SH3BGR: variants seen among roughly 807,000 people sequenced by gnomAD.
The protein encoded by SH3BGR is SH3 domain-binding glutamic acid-rich protein.
Under a neutral mutation model 24.5 loss-of-function variants are expected in SH3BGR, and 29 were observed. The observed-to-expected ratio is 1.18, with a 90% CI of 0.88 to 1.61. The LOEUF (loss-of-function observed/expected upper bound fraction) is 1.61. Among genes scored for constraint, SH3BGR ranks in the 40% most tolerant of loss-of-function variants. The pLI is 0.00. For missense variants in SH3BGR, 162 were observed against 205.8 expected (o/e 0.79, Z 1.30); for synonymous variants, 55 against 65.7 (o/e 0.84, Z 0.79).
chr21:39,471,661 T>C (rs897528049), intron 2 of SH3BGR, among the ~76,000 whole-genome samples: 1 of 152,134 alleles, frequency 6.6e-6, no homozygotes, highest in Non-Finnish European at 1.5e-5. Flanking sequence ...AGAGTCTTGC[T>C]ATGTTGCCCA....
intron 3 of SH3BGR, among the ~76,000 whole-genome samples, chr21:39,489,353 T>C (rs1326870627): frequency 6.6e-6 from 1 of 152,222 alleles, no homozygotes; most frequent in Non-Finnish European, 1.5e-5. Flanking sequence ...AACATTTGGT[T>C]TGAAGAAGGA....
chr21:39,510,371 C>CACACACACACACACACACACTGTAGCT (rs1569177973), intron 5 of SH3BGR, among the ~76,000 whole-genome samples: 2 of 147,022 alleles, frequency 1.4e-5, no homozygotes, highest in African/African-American at 5.1e-5. Context: ...TACATACACA[C>CACACACACACACACACACACTGTAGCT]ACACACACAC....
intron 1 of SH3BGR, among the ~76,000 whole-genome samples, chr21:39,453,552 T>TAATG (rs755797703): frequency 6.6e-6 from 1 of 152,182 alleles, no homozygotes; most frequent in African/African-American, 2.4e-5. Context: ...ATCAATAAGT[T>TAATG]AATGGATTTT....
intron 3 of SH3BGR, among the ~76,000 whole-genome samples, chr21:39,477,088 T>G (rs1280114052): frequency 1.3e-5 from 2 of 152,228 alleles, no homozygotes; most frequent in Non-Finnish European, 2.9e-5. Flanking sequence ...TTTTTTCATG[T>G]GGCTATAGCC....
At chr21:39,473,516 A>G (rs2077975583) in intron 2 of SH3BGR, among the ~76,000 whole-genome samples, 1 of 152,184 alleles carries the variant, frequency 6.6e-6, no homozygotes, top group Admixed American at 6.5e-5. Context: ...CCATGTATTC[A>G]GTATAAAAGA....
At chr21:39,453,679 T>A (rs2077610568) in intron 1 of SH3BGR, among the ~76,000 whole-genome samples, 1 of 152,206 alleles carries the variant, frequency 6.6e-6, no homozygotes, top group South Asian at 2.1e-4. Flanking sequence ...TAGTTTTGGT[T>A]CCCTAAGCAA....
intron 1 of SH3BGR, among the ~76,000 whole-genome samples, chr21:39,461,324 A>G (rs1032213091): frequency 1.3e-5 from 2 of 151,950 alleles, no homozygotes; most frequent in African/African-American, 2.4e-5. Context: ...TTTAGTAGAG[A>G]TGGGGTTTCT....
At chr21:39,502,197 C>T (rs1393418380) in intron 4 of SH3BGR, among the ~76,000 whole-genome samples, 1 of 152,100 alleles carries the variant, frequency 6.6e-6, no homozygotes, top group Non-Finnish European at 1.5e-5. Context: ...AATGGGAGGA[C>T]ATTGTGGGCT....
At chr21:39,450,967 C>CA (rs2077566930), upstream of SH3BGR, among the ~76,000 whole-genome samples, 1 of 151,984 alleles carries the variant, frequency 6.6e-6, no homozygotes, top group Non-Finnish European at 1.5e-5. Flanking sequence ...CGCCTGCCAA[C>CA]ATGCCTGGCT....
At chr21:39,479,224 GGGTGGTGGT>G (rs973677506) in intron 3 of SH3BGR, among the ~76,000 whole-genome samples, 66 of 137,688 alleles carry the variant, frequency 4.8e-4, no homozygotes, top group African/African-American at 5.8e-4. Context: ...GAGGTGGTAA[GGGTGGTGGT>G]GGTGGTGGTG....
chr21:39,490,362 A>G (rs2078278887), intron 3 of SH3BGR, among the ~76,000 whole-genome samples: 1 of 152,230 alleles, frequency 6.6e-6, no homozygotes, highest in South Asian at 2.1e-4. Flanking sequence ...TGAAAAGGCT[A>G]AAATTCCCTG....
intron 2 of SH3BGR, among the ~76,000 whole-genome samples, chr21:39,474,768 G>C (rs957919273): frequency 6.6e-6 from 1 of 152,138 alleles, no homozygotes; most frequent in Non-Finnish European, 1.5e-5. Context: ...CTCAGTCTCA[G>C]CTGATCAGGG....
At chr21:39,462,843 C>T (rs770100527) in intron 2 of SH3BGR, among the ~76,000 whole-genome samples, 6 of 152,198 alleles carry the variant, frequency 3.9e-5, no homozygotes, top group Non-Finnish European at 8.8e-5. Flanking sequence ...AAAATACATA[C>T]ATTTAGCTAG....
At chr21:39,488,741 A>G in intron 3 of SH3BGR, 1 of 455,938 alleles carries the variant, frequency 2.2e-6, no homozygotes, top group Non-Finnish European at 4.5e-6. Context: ...GCGGCCGGGC[A>G]TGAGGACAGC....
At chr21:39,514,231 A>T (rs1378941067) in intron 6 of SH3BGR, among the ~76,000 whole-genome samples, 1 of 152,218 alleles carries the variant, frequency 6.6e-6, no homozygotes, top group Non-Finnish European at 1.5e-5. Flanking sequence ...AACCCATCTC[A>T]TAACTCATAG....
chr21:39,504,093 T>G (rs2078542379), intron 4 of SH3BGR, among the ~76,000 whole-genome samples: 1 of 152,232 alleles, frequency 6.6e-6, no homozygotes, highest in Non-Finnish European at 1.5e-5. Context: ...TGGTTTGTGT[T>G]TTTTGATCAA....
intron 3 of SH3BGR, among the ~76,000 whole-genome samples, chr21:39,494,227 C>A (rs1366936888): frequency 7.5e-6 from 1 of 132,650 alleles, no homozygotes; most frequent in Non-Finnish European, 1.6e-5. Flanking sequence ...GAACAGTCTT[C>A]TTCCTCTTCT....
intron 3 of SH3BGR, among the ~76,000 whole-genome samples, chr21:39,482,145 A>G (rs373149710): frequency 3.9e-5 from 6 of 152,354 alleles, no homozygotes; most frequent in East Asian, 1.9e-4. Context: ...CATCCAATCC[A>G]GTCTCCAGCT....
intron 1 of SH3BGR, 169 bp downstream of exon 1, chr21:39,452,310 A>G (rs921662070): frequency 3.2e-6 from 1 of 313,136 alleles, no homozygotes; most frequent in African/African-American, 2.3e-5. Flanking sequence ...GTGTTGAAAA[A>G]GCATGGAAAG....
Sources: allele counts gnomAD v4.1 joint callset (sites outside exome capture counted in the v4.1 genomes callset), GRCh38; gene constraint gnomAD v4.1.1; transcripts MANE v1.5; gene names NCBI Gene and HGNC (gene_info 2026-07-23, HGNC 2026-07-21).